PCDHA6: variants seen among roughly 807,000 people sequenced by gnomAD.
PCDHA6 encodes the protein protocadherin alpha 6.
Under a neutral mutation model 60.3 loss-of-function variants are expected in PCDHA6, and 55 were observed. The observed-to-expected ratio is 0.91, with a 90% CI of 0.73 to 1.14. PCDHA6 has a LOEUF of 1.14. Among genes scored for constraint, PCDHA6 ranks in the 50% most tolerant of loss-of-function variants. PCDHA6 has a pLI of 0.00. For synonymous variants in PCDHA6, 652 were observed against 557.9 expected (o/e 1.17, Z -2.38); for missense variants, 1,327 against 1,256.5 (o/e 1.06, Z -0.85).
At chr5:141,002,759 G>A (rs1312107218) in intron 3 of PCDHA6, among the ~76,000 whole-genome samples, 1 of 152,214 alleles carries the variant, frequency 6.6e-6, no homozygotes, top group Non-Finnish European at 1.5e-5. Flanking sequence ...ACCCTGTGAT[G>A]TAGACAGGAA....
At chr5:140,855,534 G>C (rs2043511154) in intron 1 of PCDHA6, among the ~76,000 whole-genome samples, 1 of 149,850 alleles carries the variant, frequency 6.7e-6, no homozygotes, top group Non-Finnish European at 1.5e-5. Context: ...AGAGAAGTAA[G>C]TTAAGTGTCA....
Position 140,876,427 on chromosome 5 carries a change from C to T in PCDHA6, c.2394+45942C>T, listed in dbSNP as rs267600399. 4 of 1,613,798 alleles carry T rather than the reference C, an allele frequency of 2.5e-6. No homozygotes were observed. The African/African-American group carries it at 5.3e-5, about 22-fold the overall frequency. On this transcript the variant is annotated intron_variant, in intron 1 of 3. Coordinates refer to ENST00000529310, the MANE Select transcript of PCDHA6 (RefSeq NM_018909.4). ...TGAAGAGAATAATGCCTATGAAATT[C>T]AGGTTAACGCCATTGATAAAGGGAT...
At chr5:140,837,560 A>G (rs2150276693) in intron 1 of PCDHA6, among the ~76,000 whole-genome samples, 2 of 152,102 alleles carry the variant, frequency 1.3e-5, no homozygotes, top group East Asian at 1.9e-4. Context: ...AATTATATAA[A>G]TATATTTACA....
rs2150529227 is a variant in PCDHA6 at position 140,853,161 on chromosome 5, G to A, written c.2394+22676G>A. 6.4e-6 allele frequency: 6 copies of A among 935,678 alleles called. 1 individual carries two copies. Among genetic ancestry groups the A allele is most frequent in the Non-Finnish European group, 6.5e-6 (5 of 772,756 alleles). 58.0% of individuals were successfully genotyped at this position (935,678 alleles called of 1,614,324 possible). ...CCCAAAATGCTGGGATTACAGGCGT[G>A]AGCCACCGCGCCTGGCCTAAAATGT... is the stretch of plus-strand genomic sequence containing the variant. On this transcript the variant is annotated intron_variant, in intron 1 of 3. Coordinates refer to ENST00000529310, the MANE Select transcript of PCDHA6 (RefSeq NM_018909.4).
At chr5:140,995,424 A>G (rs868948138) in intron 3 of PCDHA6, among the ~76,000 whole-genome samples, 10 of 152,186 alleles carry the variant, frequency 6.6e-5, no homozygotes, top group South Asian at 2.1e-4. Flanking sequence ...ATTACTCAGA[A>G]CAGCTTGCAA....
rs1269379462 is a variant in PCDHA6, at chr5:141,005,696, C to T, written c.2543-3931C>T. 3.0e-4 allele frequency among the ~76,000 whole-genome samples: 31 copies of T among 105,030 alleles called. No individual in the cohort carries two copies. In the East Asian group the frequency reaches 8.2e-3, roughly 28 times the overall value. 68.9% of individuals were successfully genotyped at this position (105,030 alleles called of 152,430 possible). ...CAGCCTGGGCGACAGAGCGAAACTC[C>T]GTCTCAAAAAAAAAAAAAAAAAAAA... is the stretch of plus-strand genomic sequence containing the variant. On this transcript the variant is annotated intron_variant, in intron 3 of 3. Transcript: ENST00000529310.
At chr5:140,868,440 G>A (rs2050457998) in intron 1 of PCDHA6, 1 of 152,152 alleles carries the variant, frequency 6.6e-6, no homozygotes, top group Admixed American at 6.6e-5. Flanking sequence ...AGATCATGTG[G>A]AACATAAACA....
intron 1 of PCDHA6, among the ~76,000 whole-genome samples, chr5:140,934,682 A>G (rs2089985981): frequency 6.6e-6 from 1 of 152,156 alleles, no homozygotes; most frequent in Non-Finnish European, 1.5e-5. Flanking sequence ...AGTATTCAAA[A>G]CAATGAATTG....
At chr5:140,924,906 TA>T (rs1284498744) in intron 1 of PCDHA6, among the ~76,000 whole-genome samples, 1 of 55,776 alleles carries the variant, frequency 1.8e-5, no homozygotes, top group African/African-American at 8.7e-5. Flanking sequence ...AAAAAAAAAA[TA>T]AAATAAAATA....
chr5:140,847,746 C>A (rs145193370), intron 1 of PCDHA6: 2 of 149,840 alleles, frequency 1.3e-5, no homozygotes, highest in Non-Finnish European at 3.0e-5. Context: ...TTTCTCCCCA[C>A]GCAACACAAG....
intron 1 of PCDHA6, chr5:140,926,741 A>G (rs572260372): frequency 1.7e-6 from 2 of 1,192,504 alleles, no homozygotes; most frequent in South Asian, 2.4e-5. Flanking sequence ...GGGAGGCGCA[A>G]CGTCGGCGGT....
At chr5:140,998,903 G>C (rs1465203456) in intron 3 of PCDHA6, among the ~76,000 whole-genome samples, 1 of 152,156 alleles carries the variant, frequency 6.6e-6, no homozygotes, top group East Asian at 1.9e-4. Context: ...CAATGCCTCC[G>C]GGAGGTAGCT....
At chr5:140,942,406 G>GT (rs1554214961) in intron 1 of PCDHA6, among the ~76,000 whole-genome samples, 2 of 149,658 alleles carry the variant, frequency 1.3e-5, no homozygotes, top group South Asian at 2.1e-4. Flanking sequence ...ATGAGACTCT[G>GT]TTTAAAAAAA....
At position 141,005,728 on chromosome 5, in the gene PCDHA6, A is replaced by T. The variant is rs574255915; in HGVS notation, c.2543-3899A>T. On this transcript the variant is annotated intron_variant, in intron 3 of 3. Coordinates refer to ENST00000529310, the MANE Select transcript of PCDHA6 (RefSeq NM_018909.4). ...AAAAAAAAAAAAAAAAAAAAAAAAA[A>T]AAAGAATGGATGAGAAATCATTCAA... Among the ~76,000 whole-genome samples the T allele has an allele frequency of 1.3e-4, 19 of 150,362 alleles. No homozygotes were observed. The South Asian group carries it at 1.7e-3, about 13-fold the overall frequency.
intron 1 of PCDHA6, among the ~76,000 whole-genome samples, chr5:140,906,117 C>A (rs1554192403): frequency 6.6e-6 from 1 of 152,180 alleles, no homozygotes; most frequent in Non-Finnish European, 1.5e-5. Flanking sequence ...AGTCCACTGA[C>A]ACAAATGTTA....
rs113613111 is a variant in PCDHA6, at chr5:140,862,633, G to A, written c.2394+32148G>A. The A allele has an allele frequency of 2.9e-3, 1,533 of 537,306 alleles. 20 individuals are homozygous for A. The highest frequency in any genetic ancestry group is 0.024 in the African/African-American group (1,268 of 52,230). 33.3% of individuals were successfully genotyped at this position (537,306 alleles called of 1,614,324 possible). Reference sequence around the variant, plus strand: ...AGGTAACAACCCGCGGGGCTGCCACGACTTCACAGTGTCCGCGCGGGACCG... The same window carrying A: ...AGGTAACAACCCGCGGGGCTGCCACAACTTCACAGTGTCCGCGCGGGACCG... On this transcript the variant is annotated intron_variant, in intron 1 of 3. Transcript: ENST00000529310.
intron 1 of PCDHA6, among the ~76,000 whole-genome samples, chr5:140,905,575 G>A (rs1233481804): frequency 6.6e-6 from 1 of 152,138 alleles, no homozygotes; most frequent in Non-Finnish European, 1.5e-5. Flanking sequence ...TGTGAAGAAT[G>A]ATAATGATAT....
chr5:140,876,815 T>G (rs782365798), intron 1 of PCDHA6: 1 of 1,614,148 alleles, frequency 6.2e-7, no homozygotes, highest in South Asian at 1.1e-5. Flanking sequence ...GTGGCCGACG[T>G]GAACGACAAT....
chr5:141,001,381 A>G (rs1213919091), intron 3 of PCDHA6, among the ~76,000 whole-genome samples: 1 of 152,218 alleles, frequency 6.6e-6, no homozygotes, highest in Non-Finnish European at 1.5e-5. Context: ...TACAGAGCCT[A>G]AGATCCTACA....
Sources: allele counts gnomAD v4.1 joint callset (sites outside exome capture counted in the v4.1 genomes callset), GRCh38; gene constraint gnomAD v4.1.1; transcripts MANE v1.5; gene names NCBI Gene and HGNC (gene_info 2026-07-23, HGNC 2026-07-21).